The following TTC6 variants were observed in gnomAD, a reference collection of about 807,000 sequenced individuals.
The protein encoded by TTC6 is tetratricopeptide repeat protein 6.
TTC6 carries 172 observed loss-of-function variants against 210.4 expected under a neutral mutation model. The ratio of observed to expected loss-of-function variants is 0.82; its 90% CI spans 0.72 to 0.93. TTC6 has a LOEUF of 0.93. TTC6 is among the 40% of genes least tolerant of loss of function. The pLI is 0.00. For synonymous variants in TTC6, 804 were observed against 819.6 expected, an observed-to-expected ratio of 0.98 and a Z score of 0.32; for missense variants, 2,414 against 2,318.1, an observed-to-expected ratio of 1.04 and a Z score of -0.85.
In TTC6 at chr14:37,668,128, T is replaced by G. The variant is rs1013584642; in HGVS notation, c.940-12023T>G. Among the ~76,000 whole-genome samples, 2 of 149,686 alleles carry G rather than the reference T, an allele frequency of 1.3e-5. 1 individual carries two copies. Among genetic ancestry groups the G allele is most frequent in the Non-Finnish European group, 3.0e-5 (2 of 66,690 alleles). On this transcript the variant is annotated intron_variant, in intron 1 of 30. Coordinates refer to ENST00000553443, the Ensembl canonical transcript of TTC6. ...CCAGCCTGGGCGACAGTGTGAGACT[T>G]CATCTAAAAAAAAAAAAATTTGGCT...
chr14:37,723,745 C>A (rs928075051), intron 6 of TTC6, among the ~76,000 whole-genome samples: 1 of 147,802 alleles, frequency 6.8e-6, no homozygotes, highest in African/African-American at 2.4e-5. Context: ...TTTCCTCCCA[C>A]CCCCTTGGGT....
At chr14:37,738,611 C>G (rs2095908505) in intron 9 of TTC6, among the ~76,000 whole-genome samples, 165 bp from the exon 12 acceptor site, 1 of 152,172 alleles carries the variant, frequency 6.6e-6, no homozygotes. Flanking sequence ...CCACTATTAA[C>G]TTTATCAGCT....
chr14:37,733,713 T>C (rs970549927), intron 7 of TTC6, among the ~76,000 whole-genome samples: 5 of 152,288 alleles, frequency 3.3e-5, no homozygotes, highest in African/African-American at 1.2e-4. Flanking sequence ...ATTTATCACA[T>C]ATTGAAATCC....
intron 10 of TTC6, among the ~76,000 whole-genome samples, chr14:37,745,274 T>G (rs938182520): frequency 3.9e-5 from 6 of 152,222 alleles, no homozygotes; most frequent in African/African-American, 7.2e-5. Context: ...TGATTAAATT[T>G]GTGATAATTT....
intron 7 of TTC6, among the ~76,000 whole-genome samples, 190 bp downstream of exon 9, chr14:37,725,192 A>AATATATACCTAC (rs2095869172): frequency 6.7e-6 from 1 of 149,236 alleles, no homozygotes. Context: ...TATGTATACA[A>AATATATACCTAC]ATATATACCT....
upstream of TTC6, among the ~76,000 whole-genome samples, chr14:37,619,767 T>C (rs1376749860): frequency 6.6e-6 from 1 of 151,636 alleles, no homozygotes; most frequent in African/African-American, 2.4e-5. Context: ...GAGGGACAAG[T>C]GCTCCCTTGT....
chr14:37,712,853 A>G (rs1283313962), intron 5 of TTC6, among the ~76,000 whole-genome samples: 2 of 152,196 alleles, frequency 1.3e-5, no homozygotes, highest in African/African-American at 4.8e-5. Context: ...GCCAAACTGT[A>G]TCACAGCTTT....
intron 20 of TTC6, among the ~76,000 whole-genome samples, chr14:37,799,757 C>T (rs950038240): frequency 2.6e-5 from 4 of 152,024 alleles, no homozygotes; most frequent in Admixed American, 2.6e-4. Context: ...CTCAGTCATG[C>T]AGCCATAAGG....
At chr14:37,778,082 G>C (rs2096043447) in intron 14 of TTC6, among the ~76,000 whole-genome samples, 1 of 152,188 alleles carries the variant, frequency 6.6e-6, no homozygotes, top group African/African-American at 2.4e-5. Context: ...AGCAGGATCT[G>C]TGCTCCCTTT....
At chr14:37,783,592 C>T (rs1367452276) in intron 14 of TTC6, among the ~76,000 whole-genome samples, 1 of 151,984 alleles carries the variant, frequency 6.6e-6, no homozygotes, top group Non-Finnish European at 1.5e-5. Context: ...CTCCTGGATT[C>T]ATTGATTTTT....
intron 1 of TTC6, among the ~76,000 whole-genome samples, chr14:37,650,450 A>G (rs1303664380): frequency 1.3e-5 from 2 of 152,066 alleles, no homozygotes; most frequent in Admixed American, 1.3e-4. Flanking sequence ...CTAATATCTT[A>G]TTCTATTCTG....
chr14:37,715,275 G>C (rs2138765421), intron 6 of TTC6, among the ~76,000 whole-genome samples: 1 of 152,168 alleles, frequency 6.6e-6, no homozygotes, highest in African/African-American at 2.4e-5. Flanking sequence ...TATAACAAAA[G>C]ATCTAGTATT....
chr14:37,793,907 TC>T (rs1222441282), intron 17 of TTC6, among the ~76,000 whole-genome samples: 2 of 152,154 alleles, frequency 1.3e-5, no homozygotes, highest in Non-Finnish European at 2.9e-5. Flanking sequence ...AAAGTAGGGC[TC>T]ACAAAAGAGT....
intron 1 of TTC6, among the ~76,000 whole-genome samples, chr14:37,662,946 G>A (rs1234034451): frequency 6.6e-6 from 1 of 152,034 alleles, no homozygotes; most frequent in African/African-American, 2.4e-5. Context: ...TAGTTTGATA[G>A]TCATACCATT....
At chr14:37,790,578 A>G in intron 15 of TTC6, 139 bp from the exon 18 acceptor site, 1 of 692,276 alleles carries the variant, frequency 1.4e-6, no homozygotes, top group South Asian at 1.9e-5. Context: ...CCAAACAAGT[A>G]CACTCATCAT....
At chr14:37,613,063 A>G (rs1042234678) in intron 2 of TTC6, among the ~76,000 whole-genome samples, 54 of 152,038 alleles carry the variant, frequency 3.6e-4, no homozygotes, top group African/African-American at 1.2e-3. Flanking sequence ...CTTGTTTCCA[A>G]TTTTAGGGGG....
chr14:37,769,795 T>C (rs1237052904), intron 14 of TTC6, among the ~76,000 whole-genome samples: 2 of 152,162 alleles, frequency 1.3e-5, no homozygotes, highest in Admixed American at 6.5e-5. Context: ...TTTGTGTCTC[T>C]ATTTCCTTCA....
At chr14:37,711,983 C>G (rs71407717) in intron 5 of TTC6, among the ~76,000 whole-genome samples, 8,714 of 152,042 alleles carry the variant, frequency 0.057, 385 homozygotes, top group Non-Finnish European at 0.09. Flanking sequence ...AGAAAGGGTT[C>G]GTTCTTTTCT....
At chr14:37,821,457 C>T (rs2096156988) in intron 26 of TTC6, among the ~76,000 whole-genome samples, 2 of 152,258 alleles carry the variant, frequency 1.3e-5, no homozygotes, top group Middle Eastern at 6.8e-3. Flanking sequence ...CTTGTGTTGT[C>T]TGAGTAACTC....
Sources: allele counts gnomAD v4.1 joint callset (sites outside exome capture counted in the v4.1 genomes callset), GRCh38; gene constraint gnomAD v4.1.1; transcripts MANE v1.5; gene names NCBI Gene and HGNC (gene_info 2026-07-23, HGNC 2026-07-21).